The following SON variants were observed in gnomAD, a reference collection of about 807,000 sequenced individuals.
SON encodes the protein protein SON.
Under a neutral mutation model 173.3 loss-of-function variants are expected in SON, and 4 were observed. That is an observed-to-expected ratio of 0.02 (90% CI 0.01 to 0.05). The LOEUF is 0.05. Among genes scored for constraint, SON ranks in the 10% least tolerant of loss-of-function variants. SON has a pLI of 1.00. For synonymous variants in SON, 1,190 were observed against 1,105.9 expected (o/e 1.08, Z -1.51); for missense variants, 2,626 against 3,055.3 (o/e 0.86, Z 3.31).
In SON at chr21:33,576,916, T is replaced by A. The variant is rs1172819961; in HGVS notation, c.*492T>A. On this transcript the variant is annotated 3_prime_UTR_variant, in exon 12 of 12. Transcript: ENST00000356577. ...CCCCTTCCTTATGGCTAGGCTACTGTAACACTTGCCTGTAATCAGTGAAGG... is the reference window on the plus strand; with the variant it reads ...CCCCTTCCTTATGGCTAGGCTACTGAAACACTTGCCTGTAATCAGTGAAGG... 1 of 250,152 alleles carries A rather than the reference T, an allele frequency of 4.0e-6. No homozygotes were observed. Among genetic ancestry groups the A allele is most frequent in the Non-Finnish European group, 8.1e-6 (1 of 122,992 alleles). The allele number at this position is 250,152 out of a possible 1,614,324, so 15.5% of individuals were successfully genotyped here. A position where few individuals can be genotyped will look rare whatever the true frequency, so the allele number is the denominator to read the frequency against.
chr21:33,549,324 T>G, intron 2 of SON, 152 bp from the exon 3 acceptor site: 1 of 553,562 alleles, frequency 1.8e-6, no homozygotes, highest in Non-Finnish European at 3.0e-6. Flanking sequence ...CCACCTGCCT[T>G]GGCCTCTCAG....
rs1432376172 is a variant in SON at position 33,551,075 on chromosome 21, C to T, written c.1844C>T (p.Ala615Val). Residue 615 changes from alanine to valine, a missense_variant, in exon 3 of 12, where the codon GCT (alanine) becomes GTT (valine). Transcript: ENST00000356577. ...GAGTTCTCGGGGCAGTCTGGGGCAG[C>T]TGGAGCACTGGAGCTTTTGGGGCAG... is the stretch of plus-strand genomic sequence containing the variant. ...ALEFSGQSGA[A>V]GALELLGQPL... The T allele has an allele frequency of 4.3e-6, 7 of 1,612,638 alleles. No individual in the cohort carries two copies. The highest frequency in any genetic ancestry group is 5.9e-6 in the Non-Finnish European group (7 of 1,179,326).
chr21:33,570,397 A>G (rs1389209580), intron 8 of SON, among the ~76,000 whole-genome samples: 2 of 152,200 alleles, frequency 1.3e-5, no homozygotes, highest in African/African-American at 2.4e-5. Flanking sequence ...TGATCTTACT[A>G]ACAAATTAAT....
chr21:33,566,027 C>A (rs1056647422), intron 6 of SON, among the ~76,000 whole-genome samples: 11 of 152,114 alleles, frequency 7.2e-5, no homozygotes, highest in Non-Finnish European at 1.3e-4. Flanking sequence ...TAAGAGAAGT[C>A]TTTTATACAT....
intron 1 of SON, 29 bp downstream of exon 1, chr21:33,543,198 C>A (rs925782484): frequency 1.9e-6 from 3 of 1,570,246 alleles, no homozygotes; most frequent in Non-Finnish European, 2.6e-6. Flanking sequence ...CTTCTGCTCC[C>A]AACGGACCGT....
At chr21:33,572,535 T>A in intron 8 of SON, 1 of 1,301,352 alleles carries the variant, frequency 7.7e-7, no homozygotes, top group Non-Finnish European at 1.0e-6. Context: ...CCCCTCTGTA[T>A]GGAAACTTGT....
At chr21:33,555,423 G>A in intron 3 of SON, 32 bp downstream of exon 3, 1 of 1,474,912 alleles carries the variant, frequency 6.8e-7, no homozygotes, top group Non-Finnish European at 9.0e-7. Flanking sequence ...TGGGATGGTA[G>A]TAGAAAATGT....
intron 8 of SON, chr21:33,572,668 A>G (rs1252896362): frequency 9.5e-7 from 1 of 1,057,128 alleles, no homozygotes; most frequent in Non-Finnish European, 1.3e-6. Flanking sequence ...AAAGTCTTTT[A>G]ACATCAAGCT....
chr21:33,543,154 A>G lies in SON; in HGVS notation c.62A>G (p.Gln21Arg). Residue 21 changes from glutamine (Q) to arginine (R), a missense_variant, in exon 1 of 12, where the codon CAA (glutamine) becomes CGA (arginine). This residue lies in a region of SON where 757 missense variants were observed against 730.1 expected (regional missense o/e 1.04). Coordinates refer to ENST00000356577, the MANE Select transcript of SON (RefSeq NM_138927.4). The part of the protein sequence containing the change: ...SFVVSKFREI[Q>R]QELSSGRNEG... ...GTGGTCAGTAAATTCCGGGAAATTCAACAGGAGCTTTCCAGGTAAACGCCT... is the reference window on the plus strand; with the variant it reads ...GTGGTCAGTAAATTCCGGGAAATTCGACAGGAGCTTTCCAGGTAAACGCCT... 3.1e-6 allele frequency: 5 copies of G among 1,614,160 alleles called. No homozygotes were observed. The highest frequency in any genetic ancestry group is 4.2e-6 in the Non-Finnish European group (5 of 1,179,956).
intron 8 of SON, among the ~76,000 whole-genome samples, chr21:33,571,007 G>T (rs2086271984): frequency 2.2e-5 from 1 of 46,188 alleles, no homozygotes; most frequent in Non-Finnish European, 3.7e-5. Context: ...GCAGTTAACA[G>T]ACTTTAATAA....
intron 3 of SON, among the ~76,000 whole-genome samples, chr21:33,556,915 C>CT (rs2085978443): frequency 6.6e-6 from 1 of 151,552 alleles, no homozygotes; most frequent in African/African-American, 2.4e-5. Flanking sequence ...AATATGTGGA[C>CT]TTAATTCCCT....
At position 33,552,635 on chromosome 21, in the gene SON, C is replaced by G; in HGVS notation, c.3404C>G (p.Ser1135Cys). The G allele has an allele frequency of 6.2e-7, 1 of 1,614,132 alleles. No homozygotes were observed. Among genetic ancestry groups the G allele is most frequent in the Non-Finnish European group, 8.5e-7 (1 of 1,180,016 alleles). ...MSMAADSYTDSYTDTYTEAYM... is the reference protein window; with the variant it reads ...MSMAADSYTDCYTDTYTEAYM... ...ATGGCTGCTGATTCTTACACCGATT[C>G]TTACACTGACACATATACAGAGGCA... Residue 1135 changes from serine (S) to cysteine (C), a missense_variant, in exon 3 of 12, where the codon TCT (serine) becomes TGT (cysteine). Ser to Cys is a moderately radical substitution (Grantham distance 112, BLOSUM62 -1). Around this residue, in one of 13 missense-constraint regions of SON, gnomAD observed 366 missense variants for 448.6 expected, o/e 0.82. Transcript: ENST00000356577. This position sits in a 1 kb window ranked among gnomAD's most constrained non-coding sequence, Gnocchi z 5.6.
At chr21:33,575,192 C>T (rs1445164046) in intron 9 of SON, among the ~76,000 whole-genome samples, 1 of 151,996 alleles carries the variant, frequency 6.6e-6, no homozygotes, top group Admixed American at 6.6e-5. Flanking sequence ...CGCACCACCA[C>T]GCCCGGCTAA....
At position 33,554,690 on chromosome 21, in the gene SON, C is replaced by A. The variant is rs2085918125; in HGVS notation, c.5459C>A (p.Ser1820Tyr). Residue 1820 changes from serine (S) to tyrosine (Y), a missense_variant, in exon 3 of 12, where the codon TCT becomes TAT. Around this residue, in one of 13 missense-constraint regions of SON, gnomAD observed 1,006 missense variants for 895.6 expected, o/e 1.12. Coordinates refer to ENST00000356577, the MANE Select transcript of SON (RefSeq NM_138927.4). ...GGGGAGAAAGAGAAGAAAAGAGACT[C>A]TTCATTAAGATCTCGAAGTAAGCGT... ...DKGEKEKKRD[S>Y]SLRSRSKRSK... The A allele has an allele frequency of 6.2e-7, 1 of 1,613,786 alleles. No homozygotes were observed. Among genetic ancestry groups the A allele is most frequent in the African/African-American group, 1.3e-5 (1 of 74,918 alleles).
intron 9 of SON, chr21:33,575,339 CTTAACT>C (rs1356418518): frequency 6.5e-6 from 2 of 309,114 alleles, no homozygotes; most frequent in Non-Finnish European, 1.2e-5. Flanking sequence ...CCTGGCCATA[CTTAACT>C]TTTTGTTTTC....
At chr21:33,543,530 T>C in intron 1 of SON, 1 of 121,798 alleles carries the variant, frequency 8.2e-6, no homozygotes, top group Non-Finnish European at 1.4e-5. Flanking sequence ...CCGCCGCGTA[T>C]CCCCTCCCCC....
At chr21:33,569,192 C>G in intron 8 of SON, 105 bp downstream of exon 8, 1 of 671,322 alleles carries the variant, frequency 1.5e-6, no homozygotes, top group South Asian at 1.9e-5. Context: ...AACCAAAGTT[C>G]CAAGTAAATT....
chr21:33,543,818 G>A (rs908705432), intron 1 of SON, among the ~76,000 whole-genome samples: 1 of 152,194 alleles, frequency 6.6e-6, no homozygotes, highest in Non-Finnish European at 1.5e-5. Context: ...AAATGGTTGC[G>A]ATTAATTACA....
intron 1 of SON, among the ~76,000 whole-genome samples, chr21:33,544,066 C>T (rs974208536): frequency 3.3e-5 from 5 of 152,142 alleles, no homozygotes; most frequent in Non-Finnish European, 5.9e-5. Flanking sequence ...CTTTAAAGTA[C>T]AGAAGTAGGA....
Sources: allele counts gnomAD v4.1 joint callset (sites outside exome capture counted in the v4.1 genomes callset), GRCh38; gene constraint gnomAD v4.1.1; regional missense constraint gnomAD v4.1.1; non-coding constraint Gnocchi (gnomAD v3.1); transcripts MANE v1.5; gene names NCBI Gene and HGNC (gene_info 2026-07-23, HGNC 2026-07-21).